Variants in RSU1 observed in about 807,000 individuals in gnomAD.
RSU1 encodes Ras suppressor protein 1.
RSU1 carries 26 observed loss-of-function variants against 31.1 expected under a neutral mutation model. The ratio of observed to expected loss-of-function variants is 0.84; its 90% CI spans 0.61 to 1.16. The LOEUF is 1.16. Ranked by LOEUF, RSU1 falls within the 50% of genes most tolerant of loss-of-function variation. The probability of loss-of-function intolerance (pLI) is 0.00; values close to 1 mark genes in which losing one functional copy is unlikely to be tolerated. For synonymous variants in RSU1, 164 were observed against 136.3 expected, an observed-to-expected ratio of 1.20 and a Z score of -1.41; for missense variants, 320 against 339.1, an observed-to-expected ratio of 0.94 and a Z score of 0.44.
At chr10:16,652,516 T>C (rs1235800409) in intron 8 of RSU1, among the ~76,000 whole-genome samples, 1 of 151,808 alleles carries the variant, frequency 6.6e-6, no homozygotes. Context: ...ATACTGGTTA[T>C]ACACGTTTGT....
intron 2 of RSU1, among the ~76,000 whole-genome samples, chr10:16,800,708 A>C (rs1838136923): frequency 6.6e-6 from 1 of 152,242 alleles, no homozygotes; most frequent in African/African-American, 2.4e-5. Context: ...GTCTGATTTT[A>C]AGTTACCTGC....
chr10:16,658,951 C>T (rs1834837115), intron 8 of RSU1, among the ~76,000 whole-genome samples: 1 of 152,156 alleles, frequency 6.6e-6, no homozygotes, highest in South Asian at 2.1e-4. Context: ...CAACCTGGTA[C>T]ATATAAAATG....
intron 8 of RSU1, among the ~76,000 whole-genome samples, chr10:16,642,315 G>C (rs1191703106): frequency 1.3e-5 from 2 of 152,168 alleles, no homozygotes; most frequent in African/African-American, 4.8e-5. Flanking sequence ...AGAAGCTGTA[G>C]AAAAACAACG....
chr10:16,661,627 A>G (rs1834893154), intron 8 of RSU1, among the ~76,000 whole-genome samples: 1 of 152,202 alleles, frequency 6.6e-6, no homozygotes, highest in African/African-American at 2.4e-5. Context: ...AAAAGCAGAC[A>G]CATTTTCCCA....
rs377246366 is a variant in RSU1, at chr10:16,695,158, G to GA, written c.599-4_599-3insT. The GA allele has an allele frequency of 2.4e-6, 2 of 847,688 alleles. No homozygotes were observed. The highest frequency in any genetic ancestry group is 3.3e-6 in the Non-Finnish European group (2 of 609,508). 52.5% of individuals were successfully genotyped at this position (847,688 alleles called of 1,614,324 possible). On this transcript the variant is annotated splice_polypyrimidine_tract_variant and splice_region_variant and intron_variant, in intron 7 of 8. Coordinates refer to ENST00000345264, the MANE Select transcript of RSU1 (RefSeq NM_012425.4). ...CTGGCCAGTTAAATCCAAGTTTCCT[G>GA]GGGGGGGGGAAAAAAAAAGTGAAGG...
chr10:16,791,423 C>G (rs1234897669), intron 2 of RSU1, among the ~76,000 whole-genome samples: 1 of 152,144 alleles, frequency 6.6e-6, no homozygotes, highest in African/African-American at 2.4e-5. Flanking sequence ...TGCCTGAGCT[C>G]AGGAGTTCAG....
intron 7 of RSU1, chr10:16,748,021 G>A (rs934949417): frequency 6.6e-5 from 10 of 152,280 alleles, no homozygotes; most frequent in African/African-American, 2.4e-4. Context: ...GTGATCACAT[G>A]AGACTCTGTG....
At chr10:16,800,504 G>C (rs1450195339) in intron 2 of RSU1, among the ~76,000 whole-genome samples, 1 of 152,196 alleles carries the variant, frequency 6.6e-6, no homozygotes, top group East Asian at 1.9e-4. Flanking sequence ...CAGTGATCTT[G>C]AAGACATGTC....
At chr10:16,676,282 G>C (rs1835230434) in intron 8 of RSU1, among the ~76,000 whole-genome samples, 1 of 152,276 alleles carries the variant, frequency 6.6e-6, no homozygotes, top group East Asian at 1.9e-4. Context: ...GTTCTGCATG[G>C]CTGGGGAGGC....
intron 7 of RSU1, among the ~76,000 whole-genome samples, chr10:16,742,746 G>T (rs1247818325): frequency 6.6e-6 from 1 of 152,148 alleles, no homozygotes; most frequent in Non-Finnish European, 1.5e-5. Flanking sequence ...TGTTAACACA[G>T]ATTGATGCAC....
chr10:16,722,109 C>G (rs1266926719), intron 7 of RSU1, among the ~76,000 whole-genome samples: 1 of 152,152 alleles, frequency 6.6e-6, no homozygotes, highest in Non-Finnish European at 1.5e-5. Context: ...ATACTACATT[C>G]ACATAGCTTT....
intron 4 of RSU1, among the ~76,000 whole-genome samples, chr10:16,759,257 T>C (rs1588517051): frequency 6.6e-6 from 1 of 152,228 alleles, no homozygotes; most frequent in East Asian, 1.9e-4. Context: ...CCCAGCACTT[T>C]GGAAGGCCAG....
intron 8 of RSU1, among the ~76,000 whole-genome samples, chr10:16,683,384 C>G (rs952041621): frequency 6.6e-6 from 1 of 152,146 alleles, no homozygotes; most frequent in Admixed American, 6.5e-5. Context: ...TATATTATTT[C>G]ATATGTGTTT....
intron 7 of RSU1, among the ~76,000 whole-genome samples, chr10:16,703,653 T>G (rs1053418144): frequency 6.6e-6 from 1 of 152,128 alleles, no homozygotes; most frequent in African/African-American, 2.4e-5. Context: ...CATGGGGCAA[T>G]GGTCATGACA....
intron 2 of RSU1, among the ~76,000 whole-genome samples, chr10:16,809,992 T>TGGG (rs896528744): frequency 1.2e-5 from 1 of 83,802 alleles, no homozygotes; most frequent in African/African-American, 5.3e-5. Context: ...AGGCCGGGGG[T>TGGG]GGGGGGGGGA....
intron 7 of RSU1, among the ~76,000 whole-genome samples, chr10:16,702,318 G>A (rs1404287264): frequency 6.6e-6 from 1 of 152,214 alleles, no homozygotes; most frequent in African/African-American, 2.4e-5. Flanking sequence ...CCGCCTTACT[G>A]GGGCTATCAG....
intron 7 of RSU1, among the ~76,000 whole-genome samples, chr10:16,742,034 T>A (rs1836765423): frequency 6.6e-6 from 1 of 152,056 alleles, no homozygotes. Flanking sequence ...ATGGTTAAGA[T>A]GGATTCAATA....
chr10:16,733,797 T>C (rs1030390123), intron 7 of RSU1, among the ~76,000 whole-genome samples: 1 of 152,218 alleles, frequency 6.6e-6, no homozygotes, highest in Admixed American at 6.5e-5. Context: ...GCTGAATCTT[T>C]TGGTCACTGT....
chr10:16,782,195 A>G (rs557062588), intron 2 of RSU1, 111 bp from the exon 3 acceptor site: 32 of 740,188 alleles, frequency 4.3e-5, no homozygotes, highest in Non-Finnish European at 6.6e-5. Context: ...AGGTTGAAGC[A>G]CTATCGCTCA....
Sources: allele counts gnomAD v4.1 joint callset (sites outside exome capture counted in the v4.1 genomes callset), GRCh38; gene constraint gnomAD v4.1.1; transcripts MANE v1.5; gene names NCBI Gene and HGNC (gene_info 2026-07-23, HGNC 2026-07-21).